The following HS3ST2 variants were observed in gnomAD, a reference collection of about 807,000 sequenced individuals.
HS3ST2 encodes the protein heparan sulfate glucosamine 3-O-sulfotransferase 2.
Under a neutral mutation model 26.3 loss-of-function variants are expected in HS3ST2, and 17 were observed. That is an observed-to-expected ratio of 0.65 (90% CI 0.44 to 0.97). The LOEUF is 0.97. Among genes scored for constraint, HS3ST2 ranks in the 50% least tolerant of loss-of-function variants. The pLI, the probability that HS3ST2 is intolerant of heterozygous loss-of-function variation, is 0.00. For missense variants in HS3ST2, 402 were observed against 501.2 expected (o/e 0.80, Z 1.89); for synonymous variants, 237 against 219.2 (o/e 1.08, Z -0.72).
intron 1 of HS3ST2, among the ~76,000 whole-genome samples, chr16:22,901,286 A>T (rs1283624790): frequency 1.3e-5 from 2 of 152,236 alleles, no homozygotes; most frequent in African/African-American, 4.8e-5. Context: ...TGCAATAAAT[A>T]TTCACTGGCT....
At chr16:22,827,584 T>TGA (rs1206746821) in intron 1 of HS3ST2, among the ~76,000 whole-genome samples, 1 of 151,806 alleles carries the variant, frequency 6.6e-6, no homozygotes, top group African/African-American at 2.4e-5. Context: ...GGGCAAGGTG[T>TGA]GAGAGAGAGG....
At chr16:22,857,696 AT>A (rs201198587) in intron 1 of HS3ST2, among the ~76,000 whole-genome samples, 1 of 151,990 alleles carries the variant, frequency 6.6e-6, no homozygotes, top group Admixed American at 6.6e-5. Flanking sequence ...CTTCTAATCA[AT>A]TTTTTTTTCC....
intron 1 of HS3ST2, among the ~76,000 whole-genome samples, chr16:22,856,296 G>T (rs73543192): frequency 4.6e-5 from 7 of 152,172 alleles, no homozygotes; most frequent in Non-Finnish European, 8.8e-5. Flanking sequence ...TTTTGAGGAA[G>T]GGACACATTT....
intron 1 of HS3ST2, among the ~76,000 whole-genome samples, chr16:22,882,289 G>A (rs933956795): frequency 1.3e-5 from 2 of 152,174 alleles, no homozygotes; most frequent in African/African-American, 4.8e-5. Flanking sequence ...TTGAGCCTGG[G>A]ATGTTGAGGC....
intron 1 of HS3ST2, among the ~76,000 whole-genome samples, chr16:22,913,892 C>T (rs140500971): frequency 0.018 from 2,741 of 152,118 alleles, 74 homozygotes; most frequent in African/African-American, 0.062. Flanking sequence ...ATCCCAGCTG[C>T]TCAGGAGGCT....
chr16:22,826,801 T>A (rs1452366121), intron 1 of HS3ST2, among the ~76,000 whole-genome samples: 2 of 152,160 alleles, frequency 1.3e-5, no homozygotes, highest in African/African-American at 4.8e-5. Flanking sequence ...GACTCAGTCA[T>A]CAATAGGTAT....
intron 1 of HS3ST2, among the ~76,000 whole-genome samples, chr16:22,895,437 C>T (rs1250855374): frequency 6.6e-6 from 1 of 152,110 alleles, no homozygotes; most frequent in African/African-American, 2.4e-5. Context: ...TTCTACTTTC[C>T]GTGGAATTTC....
intron 1 of HS3ST2, among the ~76,000 whole-genome samples, chr16:22,891,851 A>G (rs1265065261): frequency 2.6e-5 from 4 of 152,196 alleles, no homozygotes; most frequent in South Asian, 4.1e-4. Context: ...TTTGGCTGAA[A>G]TGGACTCTAC....
chr16:22,834,357 T>A (rs1255332023), intron 1 of HS3ST2, among the ~76,000 whole-genome samples: 1 of 152,218 alleles, frequency 6.6e-6, no homozygotes, highest in African/African-American at 2.4e-5. Context: ...TCAGTACATA[T>A]AGTAGATATA....
rs187684970 is a variant in HS3ST2, at chr16:22,871,238, C to T, written c.486-43706C>T. On this transcript the variant is annotated intron_variant, in intron 1 of 1. Coordinates refer to ENST00000261374, the MANE Select transcript of HS3ST2 (RefSeq NM_006043.2). Reference sequence around the variant, plus strand: ...GGGCGTGATGGTGCACGCCTGCAGTCCCAGCTACTTGGGAAGCTGAGGCAG... The same window carrying T: ...GGGCGTGATGGTGCACGCCTGCAGTTCCAGCTACTTGGGAAGCTGAGGCAG... Among the ~76,000 whole-genome samples the T allele has an allele frequency of 9.9e-5, 15 of 152,144 alleles. No individual in the cohort carries two copies. In the South Asian group the frequency reaches 3.1e-3, roughly 32 times the overall value.
Position 22,814,406 on chromosome 16 carries a change from T to G in HS3ST2, c.-205T>G. 1 of 478,866 alleles carries G rather than the reference T, an allele frequency of 2.1e-6. No homozygotes were observed. The highest frequency in any genetic ancestry group is 3.6e-6 in the Non-Finnish European group (1 of 278,718). 29.7% of individuals were successfully genotyped at this position (478,866 alleles called of 1,614,324 possible). A position where few individuals can be genotyped will look rare whatever the true frequency, so the allele number is the denominator to read the frequency against. ...GAGATGCTGGAAATGCAACCGCCTG[T>G]TCCCCGAGGAGCCGCTGCCCCCGGG... On this transcript the variant is annotated 5_prime_UTR_variant, in exon 1 of 2. Transcript: ENST00000261374.
intron 1 of HS3ST2, among the ~76,000 whole-genome samples, chr16:22,819,446 C>T (rs975829633): frequency 4.6e-5 from 7 of 152,118 alleles, no homozygotes; most frequent in Non-Finnish European, 1.5e-5. Flanking sequence ...CAGATATAAG[C>T]TTTGCTGTGT....
intron 1 of HS3ST2, among the ~76,000 whole-genome samples, chr16:22,873,457 G>A (rs142004000): frequency 1.6e-4 from 25 of 152,238 alleles, no homozygotes; most frequent in African/African-American, 5.8e-4. Context: ...AAACCTGTCG[G>A]GTAACAGATA....
chr16:22,846,860 A>T (rs1901440629), intron 1 of HS3ST2, among the ~76,000 whole-genome samples: 1 of 152,230 alleles, frequency 6.6e-6, no homozygotes, highest in Admixed American at 6.5e-5. Flanking sequence ...AGCTGGAGAC[A>T]GTCTGGATGT....
intron 1 of HS3ST2, among the ~76,000 whole-genome samples, chr16:22,898,880 C>T (rs1885246570): frequency 6.6e-6 from 1 of 152,134 alleles, no homozygotes. Flanking sequence ...TTAATGTATC[C>T]TGGTACGACA....
chr16:22,855,696 G>GTCTCTGTCTCTCTC (rs1901583176), intron 1 of HS3ST2, among the ~76,000 whole-genome samples: 1 of 142,940 alleles, frequency 7.0e-6, no homozygotes, highest in African/African-American at 2.6e-5. Context: ...CTGTCTCTCT[G>GTCTCTGTCTCTCTC]TCTCTCTCTC....
intron 1 of HS3ST2, chr16:22,854,826 G>A (rs922465692): frequency 6.6e-6 from 1 of 152,002 alleles, no homozygotes; most frequent in East Asian, 1.9e-4. Context: ...TTTTTGTTGG[G>A]ACAGGGTCTT....
chr16:22,877,222 C>A (rs1056488735), intron 1 of HS3ST2, among the ~76,000 whole-genome samples: 4 of 152,170 alleles, frequency 2.6e-5, no homozygotes, highest in African/African-American at 9.7e-5. Flanking sequence ...GTTAGACTCA[C>A]CCACCTGGTC....
intron 1 of HS3ST2, among the ~76,000 whole-genome samples, chr16:22,911,540 A>G (rs1004759005): frequency 6.6e-6 from 1 of 152,206 alleles, no homozygotes; most frequent in Non-Finnish European, 1.5e-5. Context: ...AATTGTTAGC[A>G]GGGTTGGTTC....
Sources: gnomAD v4.1 joint callset for allele counts (sites outside exome capture counted in the v4.1 genomes callset) on GRCh38, gnomAD v4.1.1 for gene constraint, MANE v1.5 for transcripts, NCBI Gene and HGNC (gene_info 2026-07-23, HGNC 2026-07-21) for gene names.